The following PLA1A variants were observed in gnomAD, a reference collection of about 807,000 sequenced individuals.
PLA1A encodes the protein phosphatidylserine-specific phospholipase A1alpha.
Under a neutral mutation model 49.4 loss-of-function variants are expected in PLA1A, and 47 were observed. The ratio of observed to expected loss-of-function variants is 0.95; its 90% confidence interval spans 0.75 to 1.21. The LOEUF is 1.21. Ranked by LOEUF, PLA1A falls within the 50% of genes most tolerant of loss-of-function variation. PLA1A has a pLI of 0.00. For missense variants in PLA1A, 561 were observed against 563.9 expected (o/e 0.99, Z 0.05); for synonymous variants, 224 against 207.9 (o/e 1.08, Z -0.67).
intron 6 of PLA1A, among the ~76,000 whole-genome samples, chr3:119,617,228 C>T (rs529984786): frequency 1.2e-4 from 18 of 152,224 alleles, no homozygotes; most frequent in African/African-American, 2.4e-4. Context: ...TCATTTGGCC[C>T]GGTGAGCCTC....
At chr3:119,601,569 T>C (rs1014428485) in intron 1 of PLA1A, among the ~76,000 whole-genome samples, 1 of 152,254 alleles carries the variant, frequency 6.6e-6, no homozygotes, top group African/African-American at 2.4e-5. Context: ...TCACTGTTCT[T>C]TGGTTGGAGT....
chr3:119,621,810 C>G (rs528546534), intron 8 of PLA1A, among the ~76,000 whole-genome samples: 34 of 152,252 alleles, frequency 2.2e-4, no homozygotes, highest in Non-Finnish European at 4.3e-4. Context: ...TCCTGACCAA[C>G]CACTCAGGAC....
Position 119,629,514 on chromosome 3 carries a change from T to TTTTTTTG in PLA1A, c.*46_*47insTTTTTTG, listed in dbSNP as rs2052596671. On this transcript the variant is annotated 3_prime_UTR_variant, in exon 11 of 11. Coordinates refer to ENST00000273371, the MANE Select transcript of PLA1A (RefSeq NM_015900.4). ...TCTCCCTGCATTTTTTTTTTTTTTT[T>TTTTTTTG]GAGAGAGAGGTGTGATGAGGGATGT... 1 of 1,047,700 alleles carries TTTTTTTG rather than the reference T, an allele frequency of 9.5e-7. No homozygotes were observed. The allele number at this position is 1,047,700 out of a possible 1,614,324, so 64.9% of individuals were successfully genotyped here.
chr3:119,626,417 G>A (rs2052538938), intron 9 of PLA1A, among the ~76,000 whole-genome samples: 1 of 152,208 alleles, frequency 6.6e-6, no homozygotes, highest in Admixed American at 6.5e-5. Context: ...GTCTGACTGA[G>A]TCCAAGGAAA....
Position 119,629,418 on chromosome 3 carries a change from T to C in PLA1A, c.1321T>C (p.Leu441=). ...KMVCLPEPVN[L]QASVTVSCDL... ...GGTCTGCTTACCTGAACCAGTGAAC[T>C]TACAAGCAAGTGTGACTGTTTCCTG... is the stretch of plus-strand genomic sequence containing the variant. Residue 441 remains leucine, a synonymous_variant, in exon 11 of 11, where the codon TTA becomes CTA. Coordinates refer to ENST00000273371, the MANE Select transcript of PLA1A (RefSeq NM_015900.4). 1.2e-6 allele frequency: 2 copies of C among 1,612,322 alleles called. No individual in the cohort carries two copies. The highest frequency in any genetic ancestry group is 1.7e-6 in the Non-Finnish European group (2 of 1,178,420).
chr3:119,616,249 A>G, intron 6 of PLA1A, 148 bp downstream of exon 6: 1 of 654,662 alleles, frequency 1.5e-6, no homozygotes, highest in Non-Finnish European at 2.8e-6. Context: ...CTCAGAATGT[A>G]TTCAAGGATG....
At position 119,629,770 on chromosome 3, in the gene PLA1A, G is replaced by A. The variant is rs914421961; in HGVS notation, c.*302G>A. 1 of 323,842 alleles carries A rather than the reference G, an allele frequency of 3.1e-6. No individual in the cohort carries two copies. The allele number at this position is 323,842 out of a possible 1,614,324, so 20.1% of individuals were successfully genotyped here. A position where few individuals can be genotyped will look rare whatever the true frequency, so the allele number is the denominator to read the frequency against. On this transcript the variant is annotated 3_prime_UTR_variant, in exon 11 of 11. Coordinates refer to ENST00000273371, the MANE Select transcript of PLA1A (RefSeq NM_015900.4). Reference sequence around the variant, plus strand: ...AGGATTCAATAGAAACATGTACAGGGTAAACAATTTTTTAAAAATAAAACT... The same window carrying A: ...AGGATTCAATAGAAACATGTACAGGATAAACAATTTTTTAAAAATAAAACT...
chr3:119,619,996 G>A (rs949933703), intron 8 of PLA1A: 3 of 464,082 alleles, frequency 6.5e-6, no homozygotes, highest in Non-Finnish European at 1.3e-5. Context: ...ACCCTATGTG[G>A]TTCTCACCCT....
At chr3:119,616,223 G>A in intron 6 of PLA1A, 122 bp downstream of exon 6, 1 of 692,792 alleles carries the variant, frequency 1.4e-6, no homozygotes, top group Non-Finnish European at 2.7e-6. Flanking sequence ...CCTTTGCTAT[G>A]TCCCATAACG....
intron 3 of PLA1A, 69 bp from the exon 4 acceptor site, chr3:119,609,399 G>T (rs2082735181): frequency 2.1e-6 from 2 of 973,086 alleles, no homozygotes; most frequent in Non-Finnish European, 3.4e-6. Context: ...AGCTTTGGGG[G>T]AAAGCCTGCC....
rs568415169 is a variant in PLA1A at position 119,629,319 on chromosome 3, A to T, written c.1287-65A>T. The T allele has an allele frequency of 3.3e-6, 3 of 914,954 alleles. No homozygotes were observed. In the East Asian group the frequency reaches 7.2e-5, roughly 22 times the overall value. 56.7% of individuals were successfully genotyped at this position (914,954 alleles called of 1,614,324 possible). On this transcript the variant is annotated intron_variant, in intron 10 of 10. Transcript: ENST00000273371. The stretch of plus-strand genomic sequence containing the variant: ...TCACCAGACATCATGGGAATTCAAA[A>T]GCCACACAATGCCAAGCCCTGTCTC...
At chr3:119,613,252 A>G in intron 5 of PLA1A, 134 bp downstream of exon 5, 1 of 585,598 alleles carries the variant, frequency 1.7e-6, no homozygotes, top group Non-Finnish European at 3.0e-6. Flanking sequence ...TGAAGAGTTT[A>G]CCAAAATGCT....
chr3:119,628,871 C>T lies in PLA1A; in HGVS notation c.1286+6C>T, dbSNP rs758741624. On this transcript the variant is annotated splice_donor_region_variant and intron_variant, in intron 10 of 10. Transcript: ENST00000273371. ...CTTTTGCCTGTCAATGACAGGTAAGCCCCAGTATTCACCTCTGCACCAGAT... is the reference window on the plus strand; with the variant it reads ...CTTTTGCCTGTCAATGACAGGTAAGTCCCAGTATTCACCTCTGCACCAGAT... 6.2e-7 allele frequency: 1 copy of T among 1,608,990 alleles called. No homozygotes were observed. Among genetic ancestry groups the T allele is most frequent in the East Asian group, 2.2e-5 (1 of 44,854 alleles).
chr3:119,608,561 A>G (rs954608311), intron 2 of PLA1A, among the ~76,000 whole-genome samples: 4 of 152,230 alleles, frequency 2.6e-5, no homozygotes, highest in Non-Finnish European at 4.4e-5. Context: ...TTTATAATTT[A>G]CACAAAGACT....
intron 8 of PLA1A, chr3:119,619,997 T>G: frequency 4.3e-6 from 2 of 463,838 alleles, no homozygotes; most frequent in South Asian, 3.1e-5. Flanking sequence ...CCCTATGTGG[T>G]TCTCACCCTG....
intron 6 of PLA1A, among the ~76,000 whole-genome samples, chr3:119,617,471 G>A (rs573344369): frequency 2.0e-4 from 31 of 152,028 alleles, no homozygotes; most frequent in African/African-American, 7.2e-4. Flanking sequence ...GGCCAGGTAC[G>A]GTGGCTCACA....
chr3:119,616,074 C>G lies in PLA1A; in HGVS notation c.727C>G (p.Pro243Ala). ...DYFVNGGQDQPGCPTFFYAGY... is the reference protein window; with the variant it reads ...DYFVNGGQDQAGCPTFFYAGY... ...CTTCGTCAACGGAGGCCAAGACCAA[C>G]CTGGCTGCCCCACCTTCTTTTACGC... is the stretch of plus-strand genomic sequence containing the variant. The change falls in exon 6 of 11, where the codon CCT (proline) becomes GCT (alanine). Residue 243 changes from proline (P) to alanine (A), a missense_variant. Coordinates refer to ENST00000273371, the MANE Select transcript of PLA1A (RefSeq NM_015900.4). 6.2e-7 allele frequency: 1 copy of G among 1,612,768 alleles called. No homozygotes were observed. Among genetic ancestry groups the G allele is most frequent in the Non-Finnish European group, 8.5e-7 (1 of 1,178,750 alleles).
At chr3:119,617,078 C>T (rs868129710) in intron 6 of PLA1A, among the ~76,000 whole-genome samples, 28 of 152,192 alleles carry the variant, frequency 1.8e-4, no homozygotes, top group African/African-American at 6.8e-4. Context: ...GACCCCAGGA[C>T]CCTGGAGTTG....
intron 1 of PLA1A, chr3:119,600,360 G>A (rs2082601590): frequency 4.3e-6 from 3 of 702,760 alleles, no homozygotes; most frequent in South Asian, 1.5e-5. Flanking sequence ...GCTGGCTCAG[G>A]CGTCCTCTCC....
Sources: allele counts gnomAD v4.1 joint callset (sites outside exome capture counted in the v4.1 genomes callset), GRCh38; gene constraint gnomAD v4.1.1; transcripts MANE v1.5; gene names NCBI Gene and HGNC (gene_info 2026-07-23, HGNC 2026-07-21).